Variants in PCDHGA8 observed in about 807,000 individuals in gnomAD.
PCDHGA8 encodes protocadherin gamma subfamily A, 8, also known as protocadherin gamma-A8.
Under a neutral mutation model 59.2 loss-of-function variants are expected in PCDHGA8, and 45 were observed. That is an observed-to-expected ratio of 0.76 (90% CI 0.60 to 0.98). The LOEUF (loss-of-function observed/expected upper bound fraction) is 0.98, where lower values mean the gene tolerates loss of function less well. PCDHGA8 is among the 50% of genes least tolerant of loss of function. The pLI, the probability that PCDHGA8 is intolerant of heterozygous loss-of-function variation, is 0.00. For missense variants in PCDHGA8, 1,257 were observed against 1,196.2 expected, an observed-to-expected ratio of 1.05 and a Z score of -0.75; for synonymous variants, 531 against 519.0, an observed-to-expected ratio of 1.02 and a Z score of -0.32.
intron 1 of PCDHGA8, chr5:141,408,955 TA>T: frequency 2.5e-6 from 4 of 1,613,616 alleles, no homozygotes; most frequent in Non-Finnish European, 3.4e-6. Flanking sequence ...GAATTAGTCT[TA>T]GTGAAAATCT....
chr5:141,430,804 G>T, intron 1 of PCDHGA8: 2 of 1,525,868 alleles, frequency 1.3e-6, no homozygotes, highest in Non-Finnish European at 1.8e-6. Context: ...GGCTTGTCCT[G>T]CTGGGAATCC....
At chr5:141,423,094 C>CGCGTGCGT (rs2096708722) in intron 1 of PCDHGA8, 4 of 1,613,860 alleles carry the variant, frequency 2.5e-6, no homozygotes, top group African/African-American at 2.7e-5. Flanking sequence ...GGTGGGGGAG[C>CGCGTGCGT]ACACGGGCGA....
In PCDHGA8 at chr5:141,476,702, C is replaced by A. The variant is rs751321222; in HGVS notation, c.2425-18105C>A. 1.4e-5 allele frequency: 23 copies of A among 1,614,104 alleles called. No individual in the cohort carries two copies. Among genetic ancestry groups the A allele is most frequent in the Non-Finnish European group, 1.7e-5 (20 of 1,180,050 alleles). ...GGAGGACAGCACCAAGTACGCGGAG[C>A]TGGTGTTGGAGCGCGCCCTGGACCG... is the stretch of plus-strand genomic sequence containing the variant. On this transcript the variant is annotated intron_variant, in intron 1 of 3. Coordinates refer to ENST00000398604, the MANE Select transcript of PCDHGA8 (RefSeq NM_032088.2). The surrounding 1 kb of genome is among the most constrained non-coding windows in gnomAD (Gnocchi z 7.6).
In PCDHGA8 at chr5:141,477,155, G is replaced by A. The variant is rs2099406190; in HGVS notation, c.2425-17652G>A. ...GTTGGTGGAGGTTGTGGATGTGAATGACAACGCCCCGGAGATCACAGTCAC... is the reference window on the plus strand; with the variant it reads ...GTTGGTGGAGGTTGTGGATGTGAATAACAACGCCCCGGAGATCACAGTCAC... On this transcript the variant is annotated intron_variant, in intron 1 of 3. Coordinates refer to ENST00000398604, the MANE Select transcript of PCDHGA8 (RefSeq NM_032088.2). The surrounding 1 kb of genome is among the most constrained non-coding windows in gnomAD (Gnocchi z 4.9). The A allele has an allele frequency of 6.2e-7, 1 of 1,614,190 alleles. No individual in the cohort carries two copies. The highest frequency in any genetic ancestry group is 8.5e-7 in the Non-Finnish European group (1 of 1,180,042).
Position 141,491,273 on chromosome 5 carries a change from G to A in PCDHGA8, c.2425-3534G>A. ...GACCCTGAGGAAATGCCCAAATCCA[G>A]TGACTTCCTCATACACCCTCCTGAG... On this transcript the variant is annotated intron_variant, in intron 1 of 3. Coordinates refer to ENST00000398604, the MANE Select transcript of PCDHGA8 (RefSeq NM_032088.2). This position sits in a 1 kb window ranked among gnomAD's most constrained non-coding sequence, Gnocchi z 6.9. The A allele has an allele frequency of 6.2e-7, 1 of 1,614,182 alleles. No individual in the cohort carries two copies. Among genetic ancestry groups the A allele is most frequent in the South Asian group, 1.1e-5 (1 of 91,082 alleles).
At chr5:141,399,062 C>T in intron 1 of PCDHGA8, 1 of 1,613,790 alleles carries the variant, frequency 6.2e-7, no homozygotes, top group Non-Finnish European at 8.5e-7. Context: ...AAGGAATATT[C>T]AATGGTTGTA....
intron 1 of PCDHGA8, among the ~76,000 whole-genome samples, chr5:141,454,596 G>C (rs1184158084): frequency 1.3e-5 from 2 of 151,324 alleles, no homozygotes; most frequent in Non-Finnish European, 2.9e-5. Flanking sequence ...AGTAGAGACA[G>C]GGTTTCTCCA....
At chr5:141,399,183 T>A (rs777520935) in intron 1 of PCDHGA8, 4 of 1,613,764 alleles carry the variant, frequency 2.5e-6, no homozygotes, top group Non-Finnish European at 3.4e-6. Context: ...TTGAAATGAT[T>A]CTGGAAAACG....
intron 1 of PCDHGA8, chr5:141,441,995 G>T: frequency 8.1e-6 from 2 of 246,740 alleles, no homozygotes; most frequent in Non-Finnish European, 8.0e-6. Flanking sequence ...CCGACGAGGT[G>T]CTGACAGCTC....
chr5:141,448,511 A>C (rs2098593334), intron 1 of PCDHGA8, among the ~76,000 whole-genome samples: 1 of 152,076 alleles, frequency 6.6e-6, no homozygotes, highest in Admixed American at 6.6e-5. Context: ...ACATTTTATA[A>C]CTTTATTAAG....
chr5:141,421,885 G>T, intron 1 of PCDHGA8: 1 of 1,613,692 alleles, frequency 6.2e-7, no homozygotes, highest in Non-Finnish European at 8.5e-7. Context: ...AGATGGAGGC[G>T]ATCCCATCCG....
chr5:141,426,676 A>T (rs1209949988), intron 1 of PCDHGA8: 4 of 431,700 alleles, frequency 9.3e-6, no homozygotes, highest in Non-Finnish European at 1.9e-5. Context: ...AACCCACCTC[A>T]TTTTCCCCAA....
At chr5:141,402,067 A>G (rs2094221639) in intron 1 of PCDHGA8, among the ~76,000 whole-genome samples, 1 of 152,226 alleles carries the variant, frequency 6.6e-6, no homozygotes, top group Non-Finnish European at 1.5e-5. Flanking sequence ...TTAAAAAACT[A>G]AGCATTTTTG....
chr5:141,394,760 T>C lies in PCDHGA8; in HGVS notation c.1947T>C (p.His649=), dbSNP rs374519404. The C allele has an allele frequency of 4.2e-5, 68 of 1,613,366 alleles. No homozygotes were observed. Among genetic ancestry groups the C allele is most frequent in the Middle Eastern group, 3.3e-4 (2 of 6,062 alleles). The part of the protein sequence containing the change: ...KQSLVVAVQD[H]GQPPLSATVT... ...GCCTCGTGGTGGCCGTCCAGGACCA[T>C]GGCCAGCCCCCTCTCTCCGCCACTG... The change falls in exon 1 of 4, where the codon CAT becomes CAC. Residue 649 remains histidine (H), a synonymous_variant. Coordinates refer to ENST00000398604, the MANE Select transcript of PCDHGA8 (RefSeq NM_032088.2).
chr5:141,410,215 A>G (rs2095369286), intron 1 of PCDHGA8: 11 of 1,613,894 alleles, frequency 6.8e-6, no homozygotes, highest in Non-Finnish European at 8.5e-6. Flanking sequence ...TGCAAGAGAT[A>G]CTGCCAGACC....
In PCDHGA8 at chr5:141,394,936, T is replaced by G; in HGVS notation, c.2123T>G (p.Val708Gly). 1.2e-6 allele frequency: 2 copies of G among 1,613,836 alleles called. No individual in the cohort carries two copies. The highest frequency in any genetic ancestry group is 8.5e-7 in the Non-Finnish European group (1 of 1,179,870). Residue 708 changes from valine (V) to glycine (G), a missense_variant, in exon 1 of 4, where the codon GTC becomes GGC. Physicochemically the swap from Val to Gly is moderately radical, Grantham distance 109. Coordinates refer to ENST00000398604, the MANE Select transcript of PCDHGA8 (RefSeq NM_032088.2). ...ATCTCCTGTGTCTTCCTCGCCTTTG[T>G]CGCTGTGCTTCTGGGGCTCAGGCTG... ...AAISCVFLAF[V>G]AVLLGLRLRR...
At chr5:141,488,594 C>T (rs1398982317) in intron 1 of PCDHGA8, among the ~76,000 whole-genome samples, 3 of 152,164 alleles carry the variant, frequency 2.0e-5, no homozygotes, top group African/African-American at 7.2e-5. Context: ...CAGGGCAAGA[C>T]TTTACAAGGT....
chr5:141,482,753 G>A (rs2154579665), intron 1 of PCDHGA8, among the ~76,000 whole-genome samples: 1 of 127,136 alleles, frequency 7.9e-6, no homozygotes. Context: ...GAGGGATTAT[G>A]GTATTTCATT....
In PCDHGA8 at chr5:141,393,248, C is replaced by A; in HGVS notation, c.435C>A (p.Ile145=). The A allele has an allele frequency of 4.3e-6, 7 of 1,613,798 alleles. No homozygotes were observed. Among genetic ancestry groups the A allele is most frequent in the Non-Finnish European group, 5.9e-6 (7 of 1,179,902 alleles). ...VEDLEVKINE[I]AVPGARYPLP... ...ATCTAGAAGTAAAAATTAACGAAAT[C>A]GCGGTTCCTGGAGCACGTTATCCAC... The change falls in exon 1 of 4, where the codon ATC becomes ATA. Residue 145 remains isoleucine (I), a synonymous_variant. Transcript: ENST00000398604.
Sources: allele counts gnomAD v4.1 joint callset (sites outside exome capture counted in the v4.1 genomes callset), GRCh38; gene constraint gnomAD v4.1.1; non-coding constraint Gnocchi (gnomAD v3.1); transcripts MANE v1.5; gene names NCBI Gene and HGNC (gene_info 2026-07-23, HGNC 2026-07-21).